C3orf70: variants seen among roughly 807,000 people sequenced by gnomAD.
C3orf70 encodes the protein chromosome 3 open reading frame 70, also known as UPF0524 protein C3orf70.
C3orf70 carries 15 observed loss-of-function variants against 20.7 expected under a neutral mutation model. The observed-to-expected ratio is 0.72, with a 90% CI of 0.48 to 1.11. The LOEUF is 1.11. Ranked by LOEUF, C3orf70 falls within the 50% of genes most tolerant of loss-of-function variation. The pLI, the probability that C3orf70 is intolerant of heterozygous loss-of-function variation, is 0.00. For synonymous variants in C3orf70, 161 were observed against 125.7 expected (o/e 1.28, Z -1.88); for missense variants, 332 against 317.6 (o/e 1.05, Z -0.34).
chr3:185,141,078 C>T (rs1238977437), intron 1 of C3orf70, among the ~76,000 whole-genome samples: 2 of 152,104 alleles, frequency 1.3e-5, no homozygotes, highest in Admixed American at 6.5e-5. Context: ...CAGAAGACAA[C>T]CCTTCCCAGA....
At chr3:185,124,425 G>A (rs1716367797) in intron 1 of C3orf70, among the ~76,000 whole-genome samples, 1 of 152,208 alleles carries the variant, frequency 6.6e-6, no homozygotes, top group Admixed American at 6.5e-5. Context: ...GACTCGCACT[G>A]CCTGATTTCA....
At chr3:185,110,425 GTTTGTC>G (rs778358364) in intron 1 of C3orf70, among the ~76,000 whole-genome samples, 82 of 152,304 alleles carry the variant, frequency 5.4e-4, no homozygotes, top group Non-Finnish European at 9.0e-4. Context: ...AATCTGTGTT[GTTTGTC>G]TTTGTATAGT....
At chr3:185,119,981 C>T (rs2108598732) in intron 1 of C3orf70, among the ~76,000 whole-genome samples, 1 of 127,292 alleles carries the variant, frequency 7.9e-6, no homozygotes, top group South Asian at 2.4e-4. Context: ...GAGATCGTGA[C>T]ACTGCACTCC....
At chr3:185,144,310 T>C (rs907297394) in intron 1 of C3orf70, among the ~76,000 whole-genome samples, 7 of 152,096 alleles carry the variant, frequency 4.6e-5, no homozygotes, top group African/African-American at 1.7e-4. Flanking sequence ...AACTATTAAG[T>C]AGGGAGAGCT....
intron 1 of C3orf70, among the ~76,000 whole-genome samples, chr3:185,145,102 G>A (rs1716830608): frequency 6.6e-6 from 1 of 152,192 alleles, no homozygotes; most frequent in Non-Finnish European, 1.5e-5. Context: ...TCTTCTACTA[G>A]ACAACTTCTG....
Position 185,090,720 on chromosome 3 carries a change from A to G in C3orf70, c.197-7157T>C, listed in dbSNP as rs559397044. 2.5e-3 allele frequency among the ~76,000 whole-genome samples: 380 copies of G among 152,348 alleles called. 1 individual carries two copies. The highest frequency in any genetic ancestry group is 9.0e-3 in the African/African-American group (373 of 41,580). ...AGGTTCATTTTTCACTGAATAGCAT[A>G]TCACAAACCAAAAGCAAATGAACTT... On this transcript the variant is annotated intron_variant, in intron 1 of 1. Transcript: ENST00000335012.
At chr3:185,093,169 A>C (rs1715630497) in intron 1 of C3orf70, among the ~76,000 whole-genome samples, 1 of 152,134 alleles carries the variant, frequency 6.6e-6, no homozygotes, top group African/African-American at 2.4e-5. Flanking sequence ...GTAAGAGAGA[A>C]TGGAGGTGGT....
intron 1 of C3orf70, among the ~76,000 whole-genome samples, chr3:185,116,564 C>T (rs555360649): frequency 1.1e-4 from 17 of 152,178 alleles, no homozygotes; most frequent in Non-Finnish European, 1.9e-4. Flanking sequence ...GAGTAGGCAA[C>T]TCTCCAGTTG....
chr3:185,137,236 T>C (rs1469159625), intron 1 of C3orf70, among the ~76,000 whole-genome samples: 1 of 152,238 alleles, frequency 6.6e-6, no homozygotes, highest in Admixed American at 6.5e-5. Flanking sequence ...TTGTGGCTCC[T>C]TGCCTTCTGC....
chr3:185,146,276 ATTTTTTTTTTTT>A (rs10576073), intron 1 of C3orf70, among the ~76,000 whole-genome samples: 4 of 67,024 alleles, frequency 6.0e-5, no homozygotes, highest in African/African-American at 1.1e-4. Context: ...TACAACTCTC[ATTTTTTTTTTTT>A]TTTTTTTTTT....
At chr3:185,115,074 A>C (rs1302828422) in intron 1 of C3orf70, among the ~76,000 whole-genome samples, 18 of 152,334 alleles carry the variant, frequency 1.2e-4, no homozygotes, top group African/African-American at 4.3e-4. Context: ...GTATTTTACA[A>C]AATAATAAAT....
rs1715301184 is a variant in C3orf70 at position 185,080,200 on chromosome 3, G to A, written c.*2807C>T. ...AATGGAATGTCTCTAATTCTATATAGTAGATAGTAGCAAGTGAAGCTTAGC... is the reference window on the plus strand; with the variant it reads ...AATGGAATGTCTCTAATTCTATATAATAGATAGTAGCAAGTGAAGCTTAGC... On this transcript the variant is annotated 3_prime_UTR_variant, in exon 2 of 2. Coordinates refer to ENST00000335012, the MANE Select transcript of C3orf70 (RefSeq NM_001025266.3). 1 of 152,640 alleles carries A rather than the reference G, an allele frequency of 6.6e-6. No homozygotes were observed. Among genetic ancestry groups the A allele is most frequent in the South Asian group, 2.1e-4 (1 of 4,832 alleles). The allele number at this position is 152,640 out of a possible 1,614,324, so 9.5% of individuals were successfully genotyped here. A position where few individuals can be genotyped will look rare whatever the true frequency, so the allele number is the denominator to read the frequency against.
At chr3:185,146,119 G>C (rs952658661) in intron 1 of C3orf70, among the ~76,000 whole-genome samples, 11 of 151,756 alleles carry the variant, frequency 7.2e-5, no homozygotes, top group Non-Finnish European at 1.2e-4. Context: ...TCTATCTCTG[G>C]AAGAACCTAT....
rs1715528560 is a variant in C3orf70, at chr3:185,089,801, G to GT, written c.197-6239dup. Among the ~76,000 whole-genome samples, 3 of 152,150 alleles carry GT rather than the reference G, an allele frequency of 2.0e-5. No individual in the cohort carries two copies. The South Asian group carries it at 6.2e-4, about 32-fold the overall frequency. Reference sequence around the variant, plus strand: ...AAATGAAAAATAAAATTTTTTGAGGGTGGAGGTACATGAATCAATACTGTC... The same window carrying GT: ...AAATGAAAAATAAAATTTTTTGAGGGTTGGAGGTACATGAATCAATACTGTC... On this transcript the variant is annotated intron_variant, in intron 1 of 1. Coordinates refer to ENST00000335012, the MANE Select transcript of C3orf70 (RefSeq NM_001025266.3).
chr3:185,136,026 G>A (rs1452994584), intron 1 of C3orf70, among the ~76,000 whole-genome samples: 1 of 152,116 alleles, frequency 6.6e-6, no homozygotes, highest in Non-Finnish European at 1.5e-5. Context: ...TGACAGAATG[G>A]CTTGCAATTC....
chr3:185,090,765 A>AT (rs139660920), intron 1 of C3orf70, among the ~76,000 whole-genome samples: 1,663 of 152,254 alleles, frequency 0.011, 37 homozygotes, highest in African/African-American at 0.038. Flanking sequence ...TATAGCCAAT[A>AT]TTTTTTGTGG....
At chr3:185,094,035 A>C (rs1715647797) in intron 1 of C3orf70, among the ~76,000 whole-genome samples, 1 of 151,210 alleles carries the variant, frequency 6.6e-6, no homozygotes, top group African/African-American at 2.4e-5. Context: ...TATAGTACCT[A>C]ATACAAAGTA....
intron 1 of C3orf70, among the ~76,000 whole-genome samples, chr3:185,090,993 C>T (rs74572018): frequency 0.011 from 1,738 of 152,168 alleles, 30 homozygotes; most frequent in African/African-American, 0.04. Flanking sequence ...GACCACCAGA[C>T]GCATGGCTTA....
intron 1 of C3orf70, among the ~76,000 whole-genome samples, chr3:185,119,343 T>C (rs972559952): frequency 9.9e-5 from 15 of 152,164 alleles, no homozygotes; most frequent in African/African-American, 3.6e-4. Flanking sequence ...ATATGTTATA[T>C]ATGGCACTTG....
Sources: gnomAD v4.1 joint callset for allele counts (sites outside exome capture counted in the v4.1 genomes callset) on GRCh38, gnomAD v4.1.1 for gene constraint, MANE v1.5 for transcripts, NCBI Gene and HGNC (gene_info 2026-07-23, HGNC 2026-07-21) for gene names.